The following ENO4 variants were observed in gnomAD, a reference collection of about 807,000 sequenced individuals.
ENO4 encodes enolase 4.
A neutral mutation model predicts 63.2 loss-of-function variants in ENO4; 53 were observed. That is an observed-to-expected ratio of 0.84 (90% CI 0.67 to 1.05). ENO4 has a LOEUF of 1.05. ENO4 is among the 50% of genes least tolerant of loss of function. ENO4 has a pLI of 0.00. For missense variants in ENO4, 719 were observed against 772.0 expected (o/e 0.93, Z 0.81); for synonymous variants, 266 against 283.8 (o/e 0.94, Z 0.63).
intron 10 of ENO4, among the ~76,000 whole-genome samples, chr10:116,894,400 A>T (rs1439877026): frequency 2.0e-5 from 3 of 152,192 alleles, no homozygotes. Flanking sequence ...TGACTCCCCC[A>T]AACGAAAAAG....
chr10:116,862,202 G>T (rs1305812731), intron 6 of ENO4, among the ~76,000 whole-genome samples: 1 of 152,174 alleles, frequency 6.6e-6, no homozygotes, highest in African/African-American at 2.4e-5. Context: ...GGTGCCTCAC[G>T]CCTGTAATCC....
chr10:116,854,400 A>G (rs1846186746), intron 1 of ENO4, among the ~76,000 whole-genome samples: 1 of 151,836 alleles, frequency 6.6e-6, no homozygotes, highest in African/African-American at 2.4e-5. Context: ...TCTACTAAAA[A>G]TACAAAAGAA....
chr10:116,854,341 C>G (rs965933855), intron 1 of ENO4, among the ~76,000 whole-genome samples: 1 of 151,964 alleles, frequency 6.6e-6, no homozygotes, highest in Non-Finnish European at 1.5e-5. Flanking sequence ...AGGCGGATCA[C>G]GAGGTCAGGA....
downstream of ENO4, chr10:116,884,217 TCTC>T: frequency 2.2e-6 from 1 of 457,410 alleles, no homozygotes; most frequent in Non-Finnish European, 4.4e-6. Context: ...TAAGCACGGT[TCTC>T]CTATGTCTTC....
chr10:116,858,491 T>C (rs971944034), intron 3 of ENO4, among the ~76,000 whole-genome samples: 1 of 152,206 alleles, frequency 6.6e-6, no homozygotes, highest in Non-Finnish European at 1.5e-5. Context: ...GTTTTTAGCC[T>C]CTTTATTTTG....
chr10:116,892,047 A>G (rs1847356009), intron 10 of ENO4, among the ~76,000 whole-genome samples: 1 of 152,300 alleles, frequency 6.6e-6, no homozygotes, highest in South Asian at 2.1e-4. Flanking sequence ...TTTGCTCTCA[A>G]CATGAACAAG....
At chr10:116,909,857 T>C (rs976145787) in intron 10 of ENO4, among the ~76,000 whole-genome samples, 10 of 152,308 alleles carry the variant, frequency 6.6e-5, no homozygotes, top group Middle Eastern at 3.4e-3. Flanking sequence ...TGTTCCACAA[T>C]AGAACCGAAC....
At chr10:116,859,337 A>G (rs1383859711) in intron 4 of ENO4, among the ~76,000 whole-genome samples, 199 bp downstream of exon 4, 1 of 152,226 alleles carries the variant, frequency 6.6e-6, no homozygotes, top group African/African-American at 2.4e-5. Flanking sequence ...AAAATAAAAC[A>G]GTTTCTCACC....
chr10:116,910,166 C>T (rs1348107318), intron 10 of ENO4, among the ~76,000 whole-genome samples: 1 of 152,102 alleles, frequency 6.6e-6, no homozygotes, highest in Non-Finnish European at 1.5e-5. Flanking sequence ...AATAGTCCAT[C>T]CTTCCTCAAA....
intron 11 of ENO4, among the ~76,000 whole-genome samples, chr10:116,876,823 C>T (rs1039695922): frequency 7.9e-5 from 12 of 151,934 alleles, no homozygotes; most frequent in South Asian, 6.3e-4. Flanking sequence ...TGGTGGCGGG[C>T]GCCTGTAGTC....
In ENO4 at chr10:116,859,079, C is replaced by CT; in HGVS notation, c.576dup (p.Pro193SerfsTer37). On this transcript the variant is annotated frameshift_variant, in exon 4 of 14. Coordinates refer to ENST00000341276, the MANE Select transcript of ENO4 (RefSeq NM_001242699.2). LOFTEE classifies it high-confidence loss of function. ...TACTCAACAGTGCCTACACCTCTAC[C>CT]TCCAGTACCACCACCACCACCCCCT... 9.1e-6 allele frequency: 14 copies of CT among 1,535,202 alleles called. No homozygotes were observed. The highest frequency in any genetic ancestry group is 1.2e-5 in the Non-Finnish European group (14 of 1,146,332).
intron 1 of ENO4, among the ~76,000 whole-genome samples, chr10:116,850,836 C>T (rs545426641): frequency 6.6e-6 from 1 of 152,118 alleles, no homozygotes; most frequent in East Asian, 1.9e-4. Context: ...GTGGCCAGTG[C>T]AATTTAAATG....
In ENO4 at chr10:116,876,266, T is replaced by C; in HGVS notation, c.1537+6T>C. 1 of 1,532,792 alleles carries C rather than the reference T, an allele frequency of 6.5e-7. No homozygotes were observed. The highest frequency in any genetic ancestry group is 8.8e-7 in the Non-Finnish European group (1 of 1,139,204). 94.9% of individuals were successfully genotyped at this position (1,532,792 alleles called of 1,614,324 possible). A position where few individuals can be genotyped will look rare whatever the true frequency, so the allele number is the denominator to read the frequency against. ...AATAACCAATCTGATTGACAGTGAG[T>C]AAAAGCATACATCTGAAAGACTCGT... On this transcript the variant is annotated splice_donor_region_variant and intron_variant, in intron 11 of 13. Coordinates refer to ENST00000341276, the MANE Select transcript of ENO4 (RefSeq NM_001242699.2).
At chr10:116,912,336 G>A (rs1056276337), downstream of ENO4, among the ~76,000 whole-genome samples, 1 of 152,166 alleles carries the variant, frequency 6.6e-6, no homozygotes, top group Non-Finnish European at 1.5e-5. Flanking sequence ...CAGGGGCCTG[G>A]CATGTAAGAA....
At chr10:116,911,746 T>G (rs1564872408) in exon 11 of ENO4, 1 of 1,578,608 alleles carries the variant, frequency 6.3e-7, no homozygotes. Context: ...TACTCTCCTT[T>G]CATTTCCCCA....
rs1361397141 is a variant in ENO4 at position 116,862,782 on chromosome 10, GGTT to G, written c.937-13_937-11del. On this transcript the variant is annotated splice_polypyrimidine_tract_variant and intron_variant, in intron 6 of 13. Transcript: ENST00000341276. ...CTAGTCTGCAACTGTGGAAGATCATGGTTGTTCTACTTACAGGGTGTCGAGATG... is the reference window on the plus strand; with the variant it reads ...CTAGTCTGCAACTGTGGAAGATCATGGTTCTACTTACAGGGTGTCGAGATG... The G allele has an allele frequency of 3.2e-6, 5 of 1,546,050 alleles. No individual in the cohort carries two copies. In the Admixed American group the frequency reaches 7.9e-5, roughly 24 times the overall value.
chr10:116,859,929 G>A (rs1439423285), intron 4 of ENO4, among the ~76,000 whole-genome samples: 1 of 152,166 alleles, frequency 6.6e-6, no homozygotes, highest in Non-Finnish European at 1.5e-5. Context: ...GATTTGCCCC[G>A]AGACAAAATA....
At position 116,901,334 on chromosome 10, in the gene ENO4, C is replaced by CT. The variant is rs1424741461; in HGVS notation, c.1195-10162dup. On this transcript the variant is annotated intron_variant, in intron 10 of 10. Coordinates refer to the ENO4 transcript ENST00000369207. ...CAGGATAGAGCAATATTAGGCACAT[C>CT]TTTAACTGAAGACTAGAAAAGAAGG... The CT allele has an allele frequency of 3.0e-6, 3 of 984,872 alleles. No individual in the cohort carries two copies. In the African/African-American group the frequency reaches 5.2e-5, roughly 17 times the overall value. 61.0% of individuals were successfully genotyped at this position (984,872 alleles called of 1,614,324 possible). A position where few individuals can be genotyped will look rare whatever the true frequency, so the allele number is the denominator to read the frequency against.
chr10:116,849,784 C>T, intron 1 of ENO4, 53 bp downstream of exon 1: 1 of 1,462,388 alleles, frequency 6.8e-7, no homozygotes, highest in East Asian at 2.5e-5. Context: ...CCCCCCGCCC[C>T]GCGCTGCGGC....
Sources: allele counts gnomAD v4.1 joint callset (sites outside exome capture counted in the v4.1 genomes callset), GRCh38; gene constraint gnomAD v4.1.1; transcripts MANE v1.5; gene names NCBI Gene and HGNC (gene_info 2026-07-23, HGNC 2026-07-21).